Variants in FRS2 observed in about 807,000 individuals in gnomAD.
The protein encoded by FRS2 is FGFR signalling adaptor.
FRS2 carries 8 observed loss-of-function variants against 43.9 expected under a neutral mutation model. That is an observed-to-expected ratio of 0.18 (90% confidence interval 0.11 to 0.33). FRS2 has a LOEUF of 0.33. Among genes scored for constraint, FRS2 ranks in the 10% least tolerant of loss-of-function variants. FRS2 has a pLI of 1.00. For synonymous variants in FRS2, 219 were observed against 220.3 expected (o/e 0.99, Z 0.05); for missense variants, 534 against 627.6 (o/e 0.85, Z 1.59).
In FRS2 at chr12:69,572,235, C is replaced by T. The variant is rs1691496287; in HGVS notation, c.530C>T (p.Ser177Leu). 1 of 1,612,750 alleles carries T rather than the reference C, an allele frequency of 6.2e-7. No individual in the cohort carries two copies. Among genetic ancestry groups the T allele is most frequent in the Non-Finnish European group, 8.5e-7 (1 of 1,179,434 alleles). Residue 177 changes from serine to leucine, a missense_variant, in exon 8 of 9, where the codon TCA (serine) becomes TTA (leucine). By Grantham distance (145) the Ser-to-Leu change is moderately radical (BLOSUM62 -2). Coordinates refer to ENST00000549921, the MANE Select transcript of FRS2 (RefSeq NM_001278356.2). ...TCTGTGGGAAGTGCTCGCCTGCCTT[C>T]AGTAGGGGAAGAATCTACACATCCT... ...HPSVGSARLP[S>L]VGEESTHPLL...
chr12:69,476,565 T>C (rs768354587), intron 1 of FRS2, among the ~76,000 whole-genome samples: 3 of 152,176 alleles, frequency 2.0e-5, no homozygotes, highest in Non-Finnish European at 4.4e-5. Context: ...GTATTCAAAA[T>C]GCTTTCTAGA....
At chr12:69,499,444 C>A (rs1325824916) in intron 1 of FRS2, among the ~76,000 whole-genome samples, 1 of 152,112 alleles carries the variant, frequency 6.6e-6, no homozygotes, top group Non-Finnish European at 1.5e-5. Context: ...TTACTCATTT[C>A]TACCATGTAC....
rs1232886299 is a variant in FRS2 at position 69,561,369 on chromosome 12, A to G, written c.-121-811A>G. Among the ~76,000 whole-genome samples the G allele has an allele frequency of 2.0e-5, 3 of 152,296 alleles. No homozygotes were observed. In the East Asian group the frequency reaches 5.8e-4, roughly 29 times the overall value. On this transcript the variant is annotated intron_variant, in intron 3 of 8. Transcript: ENST00000549921. ...GTTGACTGTGGGTACATGGTTTTGG[A>G]AATGTTCATTTTGGCTATCAATCAT... is the stretch of plus-strand genomic sequence containing the variant.
intron 6 of FRS2, 44 bp from the exon 7 acceptor site, chr12:69,571,232 T>A: frequency 7.3e-7 from 1 of 1,363,560 alleles, no homozygotes; most frequent in Non-Finnish European, 1.0e-6. Flanking sequence ...TAGTTTTTTT[T>A]AAAGGTATGT....
intron 1 of FRS2, among the ~76,000 whole-genome samples, chr12:69,508,615 C>T (rs777403631): frequency 6.6e-6 from 1 of 152,304 alleles, no homozygotes; most frequent in South Asian, 2.1e-4. Flanking sequence ...GATATTTGTA[C>T]ATGTGTAGTT....
At chr12:69,500,139 C>T (rs977228593) in intron 1 of FRS2, among the ~76,000 whole-genome samples, 5 of 151,842 alleles carry the variant, frequency 3.3e-5, no homozygotes, top group African/African-American at 1.2e-4. Context: ...ATTAAAATAA[C>T]AACGAAATAA....
chr12:69,479,390 C>CTTTTT (rs57688271), intron 1 of FRS2, among the ~76,000 whole-genome samples: 4 of 119,698 alleles, frequency 3.3e-5, no homozygotes, highest in Non-Finnish European at 3.4e-5. Context: ...TCTGTTGTTT[C>CTTTTT]TTTTTTTTTT....
At chr12:69,470,999 A>G (rs952388530) in intron 1 of FRS2, among the ~76,000 whole-genome samples, 1 of 151,924 alleles carries the variant, frequency 6.6e-6, no homozygotes, top group African/African-American at 2.4e-5. Context: ...TTTTCCCTCC[A>G]GGGTGGGGCG....
At chr12:69,520,591 G>T (rs1183396832) in intron 1 of FRS2, among the ~76,000 whole-genome samples, 1 of 151,986 alleles carries the variant, frequency 6.6e-6, no homozygotes, top group East Asian at 1.9e-4. Flanking sequence ...GTTGATTTTT[G>T]TAGATGGTGT....
chr12:69,475,995 G>C (rs1413076692), intron 1 of FRS2, among the ~76,000 whole-genome samples: 1 of 151,900 alleles, frequency 6.6e-6, no homozygotes, highest in Non-Finnish European at 1.5e-5. Flanking sequence ...AAATGTCCTT[G>C]GCAGAATAAA....
intron 1 of FRS2, among the ~76,000 whole-genome samples, chr12:69,516,705 T>C (rs536721): frequency 0.094 from 14,244 of 152,262 alleles, 879 homozygotes; most frequent in Non-Finnish European, 0.14. Context: ...CTCCATCTGA[T>C]CTTTCCTAGC....
intron 1 of FRS2, among the ~76,000 whole-genome samples, chr12:69,490,986 A>G (rs1872425512): frequency 6.6e-6 from 1 of 152,276 alleles, no homozygotes; most frequent in Non-Finnish European, 1.5e-5. Context: ...TAAAGATACA[A>G]AAGGGCTTAT....
At position 69,579,298 on chromosome 12, in the gene FRS2, C is replaced by T. The variant is rs1457970523; in HGVS notation, c.*4343C>T. The T allele has an allele frequency of 1.3e-5, 2 of 152,568 alleles. No individual in the cohort carries two copies. The highest frequency in any genetic ancestry group is 2.9e-5 in the Non-Finnish European group (2 of 68,034). The allele number at this position is 152,568 out of a possible 1,614,324, so 9.5% of individuals were successfully genotyped here. A position where few individuals can be genotyped will look rare whatever the true frequency, so the allele number is the denominator to read the frequency against. ...TGTCATCAGGCATGAAAAGTTTTCT[C>T]ATATATGATGTAAACTTGCTTTTAA... On this transcript the variant is annotated 3_prime_UTR_variant, in exon 9 of 9. Transcript: ENST00000549921.
rs529188011 is a variant in FRS2 at position 69,557,636 on chromosome 12, G to A, written c.-121-4544G>A. ...TGTGTGTGTGCGCGCGCGCGCGCGC[G>A]CAGGTGCATGCACGCTAGGATTGTT... is the stretch of plus-strand genomic sequence containing the variant. On this transcript the variant is annotated intron_variant, in intron 3 of 8. Transcript: ENST00000549921. Among the ~76,000 whole-genome samples, 1,352 of 146,902 alleles carry A rather than the reference G, an allele frequency of 9.2e-3. 18 individuals carry two copies. The highest frequency in any genetic ancestry group is 0.033 in the African/African-American group (1,300 of 38,890).
At chr12:69,558,740 A>G (rs970137473) in intron 3 of FRS2, among the ~76,000 whole-genome samples, 2 of 152,144 alleles carry the variant, frequency 1.3e-5, no homozygotes, top group Admixed American at 6.5e-5. Flanking sequence ...GTTCTGCCAC[A>G]TACTCATTTT....
At chr12:69,532,910 A>T (rs1011974034) in intron 3 of FRS2, among the ~76,000 whole-genome samples, 3 of 152,208 alleles carry the variant, frequency 2.0e-5, no homozygotes, top group African/African-American at 4.8e-5. Context: ...CAGGTAACAT[A>T]GTTCCTTTCT....
intron 2 of FRS2, among the ~76,000 whole-genome samples, chr12:69,531,531 T>C (rs1448041793): frequency 6.6e-6 from 1 of 152,140 alleles, no homozygotes; most frequent in African/African-American, 2.4e-5. Context: ...AAGTATACCC[T>C]TCAGTATGGG....
intron 1 of FRS2, among the ~76,000 whole-genome samples, chr12:69,481,700 T>A (rs1321311845): frequency 1.3e-5 from 2 of 152,100 alleles, no homozygotes; most frequent in African/African-American, 4.8e-5. Context: ...CAGCAGTTCT[T>A]TGTCTTTCAT....
At chr12:69,481,915 A>T (rs900812968) in intron 1 of FRS2, among the ~76,000 whole-genome samples, 1 of 151,834 alleles carries the variant, frequency 6.6e-6, no homozygotes, top group African/African-American at 2.4e-5. Flanking sequence ...CGGTCAAGAT[A>T]TAGTCTGGTT....
Sources: allele counts gnomAD v4.1 joint callset (sites outside exome capture counted in the v4.1 genomes callset), GRCh38; gene constraint gnomAD v4.1.1; transcripts MANE v1.5; gene names NCBI Gene and HGNC (gene_info 2026-07-23, HGNC 2026-07-21).